Variants in BLTP1 observed in about 807,000 individuals in gnomAD.
BLTP1 encodes the protein fragile site-associated protein.
chr4:122,263,467 A>G, the BLTP1 span: 4 of 1,607,978 alleles, frequency 2.5e-6, 1 homozygote, highest in South Asian at 3.3e-5. Flanking sequence ...CTGATATGTT[A>G]TCTGAACATC....
the BLTP1 span, among the ~76,000 whole-genome samples, chr4:122,206,461 A>G: frequency 1.3e-5 from 2 of 151,948 alleles, no homozygotes; most frequent in Non-Finnish European, 2.9e-5. Flanking sequence ...AGTGCAATTT[A>G]TAATAGTCTT....
At chr4:122,189,738 T>TTTTTC in the BLTP1 span, 1 of 886,132 alleles carries the variant, frequency 1.1e-6, no homozygotes, top group Non-Finnish European at 1.4e-6. Context: ...ACCAAATTTT[T>TTTTTC]TTTTCTTCTT....
At chr4:122,298,792 G>C in the BLTP1 span, 4 of 857,410 alleles carry the variant, frequency 4.7e-6, no homozygotes, top group East Asian at 4.9e-4. Flanking sequence ...TCTACTTTTT[G>C]ATGATTGAGC....
chr4:122,229,408 T>C, the BLTP1 span, among the ~76,000 whole-genome samples: 7 of 152,320 alleles, frequency 4.6e-5, no homozygotes, highest in East Asian at 1.3e-3. Flanking sequence ...CCAGTATTAT[T>C]TTTTTCAAGG....
chr4:122,220,441 C>G, the BLTP1 span: 2 of 1,611,684 alleles, frequency 1.2e-6, no homozygotes, highest in African/African-American at 1.3e-5. Context: ...CCTGTCACCC[C>G]TGAATGTGTT....
At chr4:122,201,262 A>C in the BLTP1 span, 1 of 716,186 alleles carries the variant, frequency 1.4e-6, no homozygotes, top group Non-Finnish European at 2.1e-6. Flanking sequence ...TGGGCTGAAA[A>C]TGTTAAAGAG....
At chr4:122,323,020 G>A in the BLTP1 span, among the ~76,000 whole-genome samples, 5 of 152,054 alleles carry the variant, frequency 3.3e-5, no homozygotes, top group South Asian at 4.1e-4. Context: ...ACTGAAAGGC[G>A]ATCTCACAAT....
the BLTP1 span, chr4:122,341,646 T>C: frequency 1.0e-6 from 1 of 967,060 alleles, no homozygotes; most frequent in Non-Finnish European, 1.2e-6. Context: ...TTTATCATTA[T>C]TTATTCAAGG....
At chr4:122,244,914 T>C in the BLTP1 span, 38 of 1,326,144 alleles carry the variant, frequency 2.9e-5, no homozygotes, top group African/African-American at 3.6e-4. Flanking sequence ...TGTTGAGCAA[T>C]TGTTGTACAT....
chr4:122,202,022 A>G, the BLTP1 span: 1 of 307,744 alleles, frequency 3.2e-6, no homozygotes, highest in Admixed American at 6.5e-5. Context: ...TGAAATAGGG[A>G]TAACAATTTC....
chr4:122,187,515 A>G, the BLTP1 span: 1 of 1,609,690 alleles, frequency 6.2e-7, no homozygotes. Context: ...TGAGCACAGT[A>G]AGTAAATTCT....
chr4:122,291,621 C>G, the BLTP1 span: 1 of 530,678 alleles, frequency 1.9e-6, no homozygotes, highest in Non-Finnish European at 2.4e-6. Context: ...TTCAAGAATG[C>G]TTGGGTTTCA....
At chr4:122,236,592 A>G in the BLTP1 span, among the ~76,000 whole-genome samples, 90 of 152,316 alleles carry the variant, frequency 5.9e-4, no homozygotes, top group African/African-American at 1.9e-3. Context: ...AATCAGGGCC[A>G]TTGAAGCCAC....
At chr4:122,204,289 T>C in the BLTP1 span, 13 of 967,324 alleles carry the variant, frequency 1.3e-5, no homozygotes, top group South Asian at 3.8e-4. Context: ...CTGAAGGTAA[T>C]CAGAGAAAGT....
At chr4:122,257,196 T>G in the BLTP1 span, 15 of 1,527,036 alleles carry the variant, frequency 9.8e-6, no homozygotes, top group South Asian at 1.8e-4. Context: ...GCAAAGCACT[T>G]AAATGGTAAC....
the BLTP1 span, chr4:122,189,942 T>C: frequency 9.6e-4 from 1,536 of 1,594,322 alleles, 20 homozygotes; most frequent in African/African-American, 0.017. Flanking sequence ...ACTAGGATAC[T>C]GAACATTTTA....
chr4:122,277,381 C>T, the BLTP1 span: 1 of 875,034 alleles, frequency 1.1e-6, no homozygotes, highest in Non-Finnish European at 1.4e-6. Flanking sequence ...ATGTGTCAAA[C>T]ACTACTTCAT....
the BLTP1 span, among the ~76,000 whole-genome samples, chr4:122,357,680 A>T: frequency 6.6e-6 from 1 of 152,174 alleles, no homozygotes; most frequent in Admixed American, 6.5e-5. Flanking sequence ...ATGATTTGGA[A>T]TGCTTACAAA....
chr4:122,336,141 T>C, the BLTP1 span: 1 of 1,451,032 alleles, frequency 6.9e-7, no homozygotes, highest in South Asian at 1.3e-5. Flanking sequence ...AATTTCTGTT[T>C]AATTGGAACT....
Sources: allele counts gnomAD v4.1 joint callset (sites outside exome capture counted in the v4.1 genomes callset), GRCh38; gene constraint gnomAD v4.1.1; transcripts MANE v1.5; gene names NCBI Gene and HGNC (gene_info 2026-07-23, HGNC 2026-07-21).